Variants in CELF4 observed in about 807,000 individuals in gnomAD.
CELF4 encodes the protein CUG-BP- and ETR-3-like factor 4.
In CELF4, 18 loss-of-function variants were observed where a neutral mutation model predicts 59.9. That is an observed-to-expected ratio of 0.30 (90% CI 0.21 to 0.45). The LOEUF (loss-of-function observed/expected upper bound fraction) is 0.45, where lower values mean the gene tolerates loss of function less well. CELF4 is among the 20% of genes least tolerant of loss of function. The pLI, the probability that CELF4 is intolerant of heterozygous loss-of-function variation, is 1.00. For missense variants in CELF4, 456 were observed against 689.0 expected, an observed-to-expected ratio of 0.66 and a Z score of 3.79; for synonymous variants, 261 against 267.1, an observed-to-expected ratio of 0.98 and a Z score of 0.22.
At chr18:37,461,511 G>C (rs1180199635) in intron 2 of CELF4, among the ~76,000 whole-genome samples, 4 of 152,208 alleles carry the variant, frequency 2.6e-5, no homozygotes, top group African/African-American at 9.6e-5. Flanking sequence ...CCGCCCCCAT[G>C]ATTAAATTAC....
chr18:37,495,456 G>T (rs2099924112), intron 1 of CELF4, among the ~76,000 whole-genome samples: 1 of 152,064 alleles, frequency 6.6e-6, no homozygotes, highest in Non-Finnish European at 1.5e-5. Flanking sequence ...AGCCTCACTA[G>T]CTGACCTCAG....
intron 1 of CELF4, among the ~76,000 whole-genome samples, chr18:37,512,617 C>T (rs997564708): frequency 6.6e-6 from 1 of 151,624 alleles, no homozygotes; most frequent in African/African-American, 2.4e-5. Flanking sequence ...TCCTCCTTCT[C>T]CTCCTCCTCT....
chr18:37,257,710 C>G (rs1021550894), intron 11 of CELF4, among the ~76,000 whole-genome samples: 2 of 152,182 alleles, frequency 1.3e-5, no homozygotes, highest in Admixed American at 1.3e-4. Flanking sequence ...TGCAACTCAA[C>G]CTCCTACTCT....
intron 3 of CELF4, among the ~76,000 whole-genome samples, chr18:37,317,063 C>T (rs920253534): frequency 1.3e-5 from 2 of 152,146 alleles, no homozygotes; most frequent in African/African-American, 2.4e-5. Context: ...GGGCCAAGAA[C>T]ATCCATACCT....
intron 1 of CELF4, among the ~76,000 whole-genome samples, chr18:37,534,386 G>A (rs1008042809): frequency 2.0e-5 from 3 of 152,140 alleles, no homozygotes; most frequent in Admixed American, 6.5e-5. Context: ...CTCTGTCACT[G>A]GGCAGGCCGC....
At chr18:37,524,908 C>T (rs780558077) in intron 1 of CELF4, among the ~76,000 whole-genome samples, 6 of 152,110 alleles carry the variant, frequency 3.9e-5, no homozygotes, top group Non-Finnish European at 8.8e-5. Context: ...GCGGCTGCGC[C>T]CCAGTCCCGA....
chr18:37,379,938 T>C (rs1791476), intron 2 of CELF4, among the ~76,000 whole-genome samples: 146,089 of 152,204 alleles, frequency 0.96, 70,140 homozygotes, highest in East Asian at 1. Flanking sequence ...GCTCCGGGGT[T>C]CCTCACCCTT....
rs746348103 is a variant in CELF4, at chr18:37,319,755, C to T, written c.448+2048G>A. 4.6e-5 allele frequency among the ~76,000 whole-genome samples: 7 copies of T among 152,250 alleles called. No homozygotes were observed. The South Asian group carries it at 6.2e-4, about 14-fold the overall frequency. ...AGAAATGAGGGGGAGAGAAATTCCT[C>T]GGTTCCTGGCTGATCTAAAGAGCAG... is the stretch of plus-strand genomic sequence containing the variant. On this transcript the variant is annotated intron_variant, in intron 3 of 12. Coordinates refer to ENST00000420428, the MANE Select transcript of CELF4 (RefSeq NM_020180.4).
chr18:37,419,451 C>G (rs2099555546), intron 2 of CELF4, among the ~76,000 whole-genome samples: 1 of 152,104 alleles, frequency 6.6e-6, no homozygotes, highest in Admixed American at 6.5e-5. Flanking sequence ...AACCTCACCC[C>G]CTGAGCACCT....
chr18:37,525,686 A>G (rs542065875), intron 1 of CELF4, among the ~76,000 whole-genome samples: 1 of 152,218 alleles, frequency 6.6e-6, no homozygotes, highest in Non-Finnish European at 1.5e-5. Flanking sequence ...TATTTCCTCA[A>G]ACTTCCATGA....
chr18:37,520,941 GC>G (rs1443004349), intron 1 of CELF4, among the ~76,000 whole-genome samples: 2 of 152,268 alleles, frequency 1.3e-5, no homozygotes, highest in East Asian at 1.9e-4. Flanking sequence ...CATCAGGAAA[GC>G]CCCTCTTCAC....
intron 1 of CELF4, among the ~76,000 whole-genome samples, chr18:37,541,509 T>C (rs543420266): frequency 1.3e-5 from 2 of 152,250 alleles, no homozygotes; most frequent in Non-Finnish European, 2.9e-5. Flanking sequence ...TGCTCTCCTA[T>C]AGCAGCTGGC....
chr18:37,340,650 C>T (rs531476486), intron 2 of CELF4, among the ~76,000 whole-genome samples: 4 of 152,314 alleles, frequency 2.6e-5, no homozygotes, highest in South Asian at 2.1e-4. Flanking sequence ...ACACCAGGGG[C>T]GGCCAGCCTG....
intron 2 of CELF4, among the ~76,000 whole-genome samples, chr18:37,430,645 G>A (rs2099643411): frequency 6.6e-6 from 1 of 152,248 alleles, no homozygotes; most frequent in Admixed American, 6.5e-5. Flanking sequence ...GAAGCAGTGT[G>A]TGCATCTAGC....
rs111835495 is a variant in CELF4, at chr18:37,328,917, T to G, written c.370-7036A>C. On this transcript the variant is annotated intron_variant, in intron 2 of 12. Transcript: ENST00000420428. ...TTGTTCCAAGCGCCAAAATAAAAAG[T>G]GTCATTAAAGTACTAAAATATAAAG... 1.1e-4 allele frequency among the ~76,000 whole-genome samples: 17 copies of G among 152,318 alleles called. 1 individual carries two copies. The highest frequency in any genetic ancestry group is 4.1e-4 in the African/African-American group (17 of 41,564).
At chr18:37,275,061 C>T (rs2092830552) in intron 4 of CELF4, 54 bp downstream of exon 4, 1 of 1,599,780 alleles carries the variant, frequency 6.3e-7, no homozygotes, top group Non-Finnish European at 8.5e-7. Flanking sequence ...CCTCTGGTCT[C>T]CCTCCGCCTC....
chr18:37,274,249 G>C lies in CELF4; in HGVS notation c.801+62C>G, dbSNP rs1205616507. ...AGTAGTATTTTCGGTTTCATGTCCCGCTCTCTGAGGCTCCCAGGGGAGTGA... is the reference window on the plus strand; with the variant it reads ...AGTAGTATTTTCGGTTTCATGTCCCCCTCTCTGAGGCTCCCAGGGGAGTGA... On this transcript the variant is annotated intron_variant, in intron 6 of 12. Coordinates refer to ENST00000420428, the MANE Select transcript of CELF4 (RefSeq NM_020180.4). The C allele has an allele frequency of 1.1e-5, 17 of 1,590,736 alleles. No homozygotes were observed. The South Asian group carries it at 1.9e-4, about 18-fold the overall frequency.
At chr18:37,415,771 T>A (rs1307045082) in intron 2 of CELF4, among the ~76,000 whole-genome samples, 1 of 152,166 alleles carries the variant, frequency 6.6e-6, no homozygotes, top group Non-Finnish European at 1.5e-5. Context: ...CTAGCAGTAG[T>A]TGGAGATGAG....
At chr18:37,549,892 A>G (rs1318946360) in intron 1 of CELF4, among the ~76,000 whole-genome samples, 1 of 152,190 alleles carries the variant, frequency 6.6e-6, no homozygotes, top group African/African-American at 2.4e-5. Context: ...ATACAATTAT[A>G]TAATATCTTA....
Sources: allele counts gnomAD v4.1 joint callset (sites outside exome capture counted in the v4.1 genomes callset), GRCh38; gene constraint gnomAD v4.1.1; transcripts MANE v1.5; gene names NCBI Gene and HGNC (gene_info 2026-07-23, HGNC 2026-07-21).